The following NEU4 variants were observed in gnomAD, a reference collection of about 807,000 sequenced individuals.
The protein encoded by NEU4 is sialidase-4.
Under a neutral mutation model 9.9 loss-of-function variants are expected in NEU4, and 7 were observed. The observed-to-expected ratio is 0.71, with a 90% CI of 0.40 to 1.33. The LOEUF (loss-of-function observed/expected upper bound fraction) is 1.33, where lower values mean the gene tolerates loss of function less well. Ranked by LOEUF, NEU4 falls within the 40% of genes most tolerant of loss-of-function variation. NEU4 has a pLI of 0.01. For synonymous variants in NEU4, 348 were observed against 316.9 expected, an observed-to-expected ratio of 1.10 and a Z score of -1.04; for missense variants, 717 against 712.6, an observed-to-expected ratio of 1.01 and a Z score of -0.07.
At chr2:241,809,832 C>T (rs62193090) in intron 1 of NEU4, 108,324 of 155,282 alleles carry the variant, frequency 0.7, 38,105 homozygotes, top group African/African-American at 0.74. Flanking sequence ...TGAGGCCTGC[C>T]CCCCACCCCA....
At chr2:241,815,953 G>C (rs1700310648) in intron 3 of NEU4, 98 bp from the exon 4 acceptor site, 1 of 1,238,286 alleles carries the variant, frequency 8.1e-7, no homozygotes, top group South Asian at 1.5e-5. Context: ...CCTAACCCGA[G>C]GCACCAGCCC....
At chr2:241,811,641 G>A in intron 1 of NEU4, 2 of 445,866 alleles carry the variant, frequency 4.5e-6, no homozygotes, top group Non-Finnish European at 3.8e-6. Context: ...GGGGCGGGCT[G>A]CAGGGATTCC....
intron 1 of NEU4, among the ~76,000 whole-genome samples, chr2:241,812,901 G>A (rs1250174841): frequency 6.6e-6 from 1 of 152,224 alleles, no homozygotes; most frequent in Non-Finnish European, 1.5e-5. Flanking sequence ...CAAGTGCAGA[G>A]AGAATGTCTT....
chr2:241,813,769 T>G, intron 1 of NEU4: 1 of 319,780 alleles, frequency 3.1e-6, no homozygotes, highest in Non-Finnish European at 6.5e-6. Context: ...ACCTGTCCCC[T>G]GCAGGATCCC....
rs776319723 is a variant in NEU4, at chr2:241,815,086, C to T, written c.396C>T (p.Ala132=). The change falls in exon 3 of 4, where the codon GCC becomes GCT. Residue 132 remains alanine (A), a synonymous_variant. Coordinates refer to ENST00000407683, the MANE Select transcript of NEU4 (RefSeq NM_001167600.3). ...TCTGCTGTGTGGCCAGCCGTGACGC[C>T]GGCCTCTCGTGGGGCAGCGCCCGGG... ...ARLCCVASRD[A]GLSWGSARDL... 24 of 1,579,136 alleles carry T rather than the reference C, an allele frequency of 1.5e-5. 1 individual carries two copies. Among genetic ancestry groups the T allele is most frequent in the East Asian group, 6.9e-5 (3 of 43,712 alleles).
intron 1 of NEU4, chr2:241,809,652 G>C (rs941774727): frequency 4.4e-6 from 1 of 227,728 alleles, no homozygotes; most frequent in Non-Finnish European, 8.7e-6. Flanking sequence ...GGGACCCGTG[G>C]CTGTCATATA....
intron 3 of NEU4, chr2:241,815,376 C>G: frequency 1.8e-6 from 1 of 562,006 alleles, no homozygotes; most frequent in Non-Finnish European, 3.2e-6. Context: ...CAGGACTGTT[C>G]TGCGCCTCCC....
chr2:241,814,625 C>T lies in NEU4; in HGVS notation c.141C>T (p.Asp47=), dbSNP rs371543586. ...LAFVEQRLSP[D]DSHAHRLVLR... is the part of the protein sequence containing the mutation. ...TTGTGGAGCAGCGGCTCAGCCCTGA[C>T]GACTCCCACGCCCACCGCCTGGTGC... Residue 47 remains aspartate, a synonymous_variant, in exon 2 of 4, where the codon GAC becomes GAT. Transcript: ENST00000407683. 23 of 1,600,246 alleles carry T rather than the reference C, an allele frequency of 1.4e-5. No individual in the cohort carries two copies. The highest frequency in any genetic ancestry group is 1.2e-4 in the Admixed American group (7 of 57,880).
At chr2:241,811,128 T>C (rs1700100467) in intron 1 of NEU4, 1 of 1,212,878 alleles carries the variant, frequency 8.2e-7, no homozygotes, top group African/African-American at 1.6e-5. Context: ...GGAGGTCAAC[T>C]GCGGCCTCAC....
rs1361201167 is a variant in NEU4, at chr2:241,816,549, A to C, written c.956A>C (p.Glu319Ala). The C allele has an allele frequency of 1.2e-6, 2 of 1,611,236 alleles. No homozygotes were observed. Among genetic ancestry groups the C allele is most frequent in the African/African-American group, 2.7e-5 (2 of 74,876 alleles). Residue 319 changes from glutamate to alanine, a missense_variant, in exon 4 of 4, where the codon GAG (glutamate) becomes GCG (alanine). Transcript: ENST00000407683. ...LGPGVHEPPE[E>A]AAVDPRGGQV... Reference sequence around the variant, plus strand: ...CCTGGAGTCCACGAACCCCCAGAGGAGGCTGCTGTAGACCCCCGTGGAGGC... The same window carrying C: ...CCTGGAGTCCACGAACCCCCAGAGGCGGCTGCTGTAGACCCCCGTGGAGGC...
At chr2:241,810,003 C>T (rs1423471579) in intron 1 of NEU4, 1 of 152,266 alleles carries the variant, frequency 6.6e-6, no homozygotes, top group Non-Finnish European at 1.5e-5. Context: ...CTCCACCAGT[C>T]CCAGACTTGG....
intron 3 of NEU4, chr2:241,815,794 G>A (rs894042046): frequency 8.5e-6 from 5 of 591,046 alleles, no homozygotes; most frequent in African/African-American, 7.5e-5. Flanking sequence ...CCTGCCCTCC[G>A]CTCTCTCTGT....
At position 241,815,092 on chromosome 2, in the gene NEU4, CTCGTGGG is replaced by C; in HGVS notation, c.403_409del (p.Ser135AlafsTer186). On this transcript the variant is annotated frameshift_variant, in exon 3 of 4. Coordinates refer to ENST00000407683, the MANE Select transcript of NEU4 (RefSeq NM_001167600.3). LOFTEE classifies it high-confidence loss of function. ...GTGTGGCCAGCCGTGACGCCGGCCT[CTCGTGGG>C]GCAGCGCCCGGGACCTCACCGAGGA... is the stretch of plus-strand genomic sequence containing the variant. The C allele has an allele frequency of 1.3e-6, 2 of 1,579,710 alleles. No homozygotes were observed. Among genetic ancestry groups the C allele is most frequent in the Non-Finnish European group, 1.7e-6 (2 of 1,169,028 alleles).
At chr2:241,814,826 G>A in intron 2 of NEU4, 66 bp from the exon 3 acceptor site, 1 of 1,559,838 alleles carries the variant, frequency 6.4e-7, no homozygotes, top group South Asian at 1.2e-5. Context: ...GATCCTGGGT[G>A]CCCTGCGGGG....
intron 1 of NEU4, chr2:241,812,163 T>A (rs938508426): frequency 1.4e-5 from 1 of 72,042 alleles, no homozygotes; most frequent in Admixed American, 2.2e-4. Context: ...TCAAGGCTCT[T>A]GGGGCACCCA....
chr2:241,815,602 C>T, intron 3 of NEU4: 1 of 506,272 alleles, frequency 2.0e-6, no homozygotes, highest in South Asian at 1.6e-5. Flanking sequence ...CCCGCCCCAC[C>T]CCTTCCTCTT....
At position 241,816,076 on chromosome 2, in the gene NEU4, C is replaced by G; in HGVS notation, c.483C>G (p.Pro161=). ...ACTGGGCCACATTCGCTGTGGGTCCCGGCCACGGTGTGCAGCTGCCCTCAG... is the reference window on the plus strand; with the variant it reads ...ACTGGGCCACATTCGCTGTGGGTCCGGGCCACGGTGTGCAGCTGCCCTCAG... ...VQDWATFAVG[P]GHGVQLPSGR... Residue 161 remains proline, a synonymous_variant, in exon 4 of 4, where the codon CCC becomes CCG. Coordinates refer to ENST00000407683, the MANE Select transcript of NEU4 (RefSeq NM_001167600.3). The G allele has an allele frequency of 6.2e-7, 1 of 1,608,146 alleles. No individual in the cohort carries two copies. The highest frequency in any genetic ancestry group is 8.5e-7 in the Non-Finnish European group (1 of 1,178,018).
Position 241,815,993 on chromosome 2 carries a change from C to T in NEU4, c.458-58C>T, listed in dbSNP as rs1027758512. ...TTCCCCGTCCCCCTGTGCCTTCCTC[C>T]AGCCCCCCGACCTCGGGGACCCAGC... On this transcript the variant is annotated intron_variant, in intron 3 of 3. Coordinates refer to ENST00000407683, the MANE Select transcript of NEU4 (RefSeq NM_001167600.3). 5.8e-5 allele frequency: 87 copies of T among 1,488,930 alleles called. No individual in the cohort carries two copies. In the African/African-American group the frequency reaches 1.1e-3, roughly 20 times the overall value. 92.2% of individuals were successfully genotyped at this position (1,488,930 alleles called of 1,614,324 possible).
In NEU4 at chr2:241,816,611, C is replaced by G. The variant is rs200439365; in HGVS notation, c.1018C>G (p.Arg340Gly). The change falls in exon 4 of 4, where the codon CGG (arginine) becomes GGG (glycine). Residue 340 changes from arginine to glycine, a missense_variant. By Grantham distance (125) the Arg-to-Gly change is moderately radical (BLOSUM62 -2). Transcript: ENST00000407683. The part of the protein sequence containing the change: ...PGGPFSRLQP[R>G]GDGPRQPGPR... ...TGGGCCCTTCAGCCGTCTGCAGCCT[C>G]GGGGGGATGGCCCCAGGCAGCCTGG... 2.6e-3 allele frequency: 4,094 copies of G among 1,580,074 alleles called. 8 individuals carry two copies. Among genetic ancestry groups the G allele is most frequent in the Non-Finnish European group, 3.1e-3 (3,629 of 1,165,282 alleles).
Sources: allele counts gnomAD v4.1 joint callset (sites outside exome capture counted in the v4.1 genomes callset), GRCh38; gene constraint gnomAD v4.1.1; transcripts MANE v1.5; gene names NCBI Gene and HGNC (gene_info 2026-07-23, HGNC 2026-07-21).